The following PDGFC variants were observed in gnomAD, a reference collection of about 807,000 sequenced individuals.
PDGFC encodes platelet derived growth factor C, also known as platelet-derived growth factor C.
PDGFC carries 12 observed loss-of-function variants against 35.5 expected under a neutral mutation model. The ratio of observed to expected loss-of-function variants is 0.34; its 90% confidence interval spans 0.22 to 0.55. PDGFC has a LOEUF of 0.55. Among genes scored for constraint, PDGFC ranks in the 20% least tolerant of loss-of-function variants. PDGFC has a pLI of 0.91. For missense variants in PDGFC, 322 were observed against 412.4 expected, an observed-to-expected ratio of 0.78 and a Z score of 1.90; for synonymous variants, 159 against 148.8, an observed-to-expected ratio of 1.07 and a Z score of -0.50.
intron 3 of PDGFC, chr4:156,779,146 C>A (rs1319004695): frequency 1.1e-5 from 5 of 456,072 alleles, no homozygotes; most frequent in Non-Finnish European, 1.3e-5. Flanking sequence ...CCAGGAACAA[C>A]TCACGGGAGG....
At chr4:156,966,331 T>C (rs1732465943) in intron 1 of PDGFC, among the ~76,000 whole-genome samples, 1 of 152,166 alleles carries the variant, frequency 6.6e-6, no homozygotes. Flanking sequence ...TTACGTATAA[T>C]GCTTCCAAAT....
At chr4:156,820,798 T>G (rs1199560203) in intron 2 of PDGFC, among the ~76,000 whole-genome samples, 1 of 152,116 alleles carries the variant, frequency 6.6e-6, no homozygotes, top group African/African-American at 2.4e-5. Context: ...CTGGGTAAAC[T>G]GTGAATAGCA....
intron 1 of PDGFC, among the ~76,000 whole-genome samples, chr4:156,890,995 G>T (rs1194724724): frequency 1.3e-5 from 2 of 151,952 alleles, no homozygotes; most frequent in Non-Finnish European, 2.9e-5. Context: ...AGGCAATTTT[G>T]TTGTTGTGTG....
intron 2 of PDGFC, among the ~76,000 whole-genome samples, chr4:156,837,215 T>A (rs1729083923): frequency 6.6e-6 from 1 of 152,190 alleles, no homozygotes. Context: ...ACTTTATTTT[T>A]AATAATTAGT....
chr4:156,933,411 AC>A (rs1731599682), intron 1 of PDGFC, among the ~76,000 whole-genome samples: 1 of 152,190 alleles, frequency 6.6e-6, no homozygotes, highest in Admixed American at 6.5e-5. Context: ...ACTTTAAGTC[AC>A]CCAAGATGAT....
chr4:156,808,146 C>T (rs1731822962), intron 3 of PDGFC, among the ~76,000 whole-genome samples: 1 of 151,924 alleles, frequency 6.6e-6, no homozygotes, highest in African/African-American at 2.4e-5. Context: ...GTGAGAGGAA[C>T]AAAGGTGACA....
At chr4:156,837,131 A>T (rs938170854) in intron 2 of PDGFC, among the ~76,000 whole-genome samples, 3 of 152,256 alleles carry the variant, frequency 2.0e-5, no homozygotes, top group Admixed American at 2.0e-4. Context: ...TAAACAAAAC[A>T]TTGATGAGGT....
chr4:156,889,242 T>C (rs1301251119), intron 1 of PDGFC, among the ~76,000 whole-genome samples: 7 of 152,218 alleles, frequency 4.6e-5, no homozygotes, highest in Non-Finnish European at 7.3e-5. Flanking sequence ...TACCCAGTGG[T>C]GATTACAAAA....
At chr4:156,830,803 T>G (rs1728914047) in intron 2 of PDGFC, among the ~76,000 whole-genome samples, 1 of 152,138 alleles carries the variant, frequency 6.6e-6, no homozygotes, top group South Asian at 2.1e-4. Flanking sequence ...ATCAATTAAG[T>G]TATTTACTAC....
chr4:156,811,725 T>C (rs1052395862), intron 2 of PDGFC, among the ~76,000 whole-genome samples: 1 of 152,126 alleles, frequency 6.6e-6, no homozygotes, highest in African/African-American at 2.4e-5. Flanking sequence ...AATGATTGTT[T>C]TAAACACATG....
intron 3 of PDGFC, among the ~76,000 whole-genome samples, chr4:156,775,691 T>C (rs1730810131): frequency 6.6e-6 from 1 of 152,146 alleles, no homozygotes; most frequent in African/African-American, 2.4e-5. Context: ...AAACAAAAGA[T>C]GCACACCTTA....
intron 1 of PDGFC, among the ~76,000 whole-genome samples, chr4:156,947,106 C>T (rs1731967087): frequency 6.6e-6 from 1 of 151,910 alleles, no homozygotes; most frequent in Admixed American, 6.6e-5. Context: ...CCAAAGAGAT[C>T]GCCCTCTCAT....
chr4:156,834,299 A>G (rs1579043735), intron 2 of PDGFC, among the ~76,000 whole-genome samples: 1 of 152,174 alleles, frequency 6.6e-6, no homozygotes, highest in East Asian at 1.9e-4. Context: ...AATCCAGATA[A>G]ACAGTAGGTA....
At chr4:156,769,262 A>AT (rs1730628410) in intron 4 of PDGFC, among the ~76,000 whole-genome samples, 1 of 151,934 alleles carries the variant, frequency 6.6e-6, no homozygotes, top group Non-Finnish European at 1.5e-5. Context: ...ATGTAATCCA[A>AT]TTTTTTAAAT....
Position 156,889,052 on chromosome 4 carries a change from G to A in PDGFC, c.119-38636C>T, listed in dbSNP as rs550086604. Among the ~76,000 whole-genome samples, 42 of 152,160 alleles carry A rather than the reference G, an allele frequency of 2.8e-4. 1 individual carries two copies. The South Asian group carries it at 8.1e-3, about 29-fold the overall frequency. ...AAACACGTCGTGTGTCTACTACCAC[G>A]TGCTGAAGAATTCAGACACCATTAT... is the stretch of plus-strand genomic sequence containing the variant. On this transcript the variant is annotated intron_variant, in intron 1 of 5. Transcript: ENST00000502773.
chr4:156,897,244 T>G (rs1457252289), intron 1 of PDGFC, among the ~76,000 whole-genome samples: 1 of 152,044 alleles, frequency 6.6e-6, no homozygotes, highest in Admixed American at 6.6e-5. Flanking sequence ...GGGTTTTCTT[T>G]AATAATTCAA....
At chr4:156,856,030 T>C (rs1199180347) in intron 1 of PDGFC, among the ~76,000 whole-genome samples, 6 of 152,154 alleles carry the variant, frequency 3.9e-5, no homozygotes, top group Non-Finnish European at 5.9e-5. Flanking sequence ...ATGCTTAATA[T>C]TTTAAATTCT....
intron 1 of PDGFC, among the ~76,000 whole-genome samples, chr4:156,917,433 T>G (rs897535893): frequency 4.6e-5 from 7 of 152,170 alleles, no homozygotes; most frequent in Admixed American, 2.0e-4. Flanking sequence ...GAAACAAATT[T>G]GTCTTGGTTA....
intron 2 of PDGFC, among the ~76,000 whole-genome samples, chr4:156,846,338 C>G (rs1029002863): frequency 6.6e-6 from 1 of 151,730 alleles, no homozygotes; most frequent in Non-Finnish European, 1.5e-5. Flanking sequence ...AAAGAGCATT[C>G]TGGCCAATAT....
Sources: gnomAD v4.1 joint callset for allele counts (sites outside exome capture counted in the v4.1 genomes callset) on GRCh38, gnomAD v4.1.1 for gene constraint, MANE v1.5 for transcripts, NCBI Gene and HGNC (gene_info 2026-07-23, HGNC 2026-07-21) for gene names.